Variants in MEIOC observed in about 807,000 individuals in gnomAD.
MEIOC encodes meiosis specific with coiled-coil domain.
MEIOC carries 9 observed loss-of-function variants against 85.3 expected under a neutral mutation model. The ratio of observed to expected loss-of-function variants is 0.11; its 90% confidence interval spans 0.06 to 0.18. The LOEUF (loss-of-function observed/expected upper bound fraction) is 0.18, where lower values mean the gene tolerates loss of function less well. MEIOC is among the 10% of genes least tolerant of loss of function. The pLI is 1.00. For synonymous variants in MEIOC, 365 were observed against 393.7 expected, an observed-to-expected ratio of 0.93 and a Z score of 0.86; for missense variants, 898 against 1,129.4, an observed-to-expected ratio of 0.80 and a Z score of 2.94.
chr17:44,662,988 T>C (rs146674319), intron 3 of MEIOC, among the ~76,000 whole-genome samples: 10 of 152,340 alleles, frequency 6.6e-5, no homozygotes, highest in African/African-American at 2.4e-4. Flanking sequence ...AAAAAATTCA[T>C]TAGTGGGAAC....
At position 44,671,448 on chromosome 17, in the gene MEIOC, G is replaced by A. The variant is rs533853618; in HGVS notation, c.2458-1918G>A. On this transcript the variant is annotated intron_variant, in intron 6 of 7. Coordinates refer to ENST00000409122, the MANE Select transcript of MEIOC (RefSeq NM_001145080.3). ...GCCTATAGTCCCAGCTACTCGGAAGGCTTAGGTGGGAGGATCACTTGAGCC... is the reference window on the plus strand; with the variant it reads ...GCCTATAGTCCCAGCTACTCGGAAGACTTAGGTGGGAGGATCACTTGAGCC... 5.6e-4 allele frequency among the ~76,000 whole-genome samples: 85 copies of A among 151,964 alleles called. 1 individual carries two copies. Among genetic ancestry groups the A allele is most frequent in the African/African-American group, 2.0e-3 (81 of 41,426 alleles).
chr17:44,671,177 T>G (rs1972004013), intron 6 of MEIOC: 1 of 151,688 alleles, frequency 6.6e-6, no homozygotes, highest in Non-Finnish European at 1.5e-5. Context: ...GAGCCTAACA[T>G]ATGAGGTACA....
rs78494953 is a variant in MEIOC at position 44,663,858 on chromosome 17, G to A, written c.359+1387G>A. On this transcript the variant is annotated intron_variant, in intron 3 of 7. Coordinates refer to ENST00000409122, the MANE Select transcript of MEIOC (RefSeq NM_001145080.3). Reference sequence around the variant, plus strand: ...TAGCAAGTATGTAGTAGTTTGGCAAGTCATATACCCTTGCAAAATACAAGT... The same window carrying A: ...TAGCAAGTATGTAGTAGTTTGGCAAATCATATACCCTTGCAAAATACAAGT... Among the ~76,000 whole-genome samples the A allele has an allele frequency of 4.0e-3, 609 of 152,184 alleles. 5 individuals are homozygous for A. Among genetic ancestry groups the A allele is most frequent in the Non-Finnish European group, 4.8e-3 (328 of 68,022 alleles).
intron 6 of MEIOC, among the ~76,000 whole-genome samples, chr17:44,672,175 T>C (rs1568136150): frequency 6.6e-6 from 1 of 152,030 alleles, no homozygotes; most frequent in Non-Finnish European, 1.5e-5. Flanking sequence ...AGAGACAGGG[T>C]TTCACCATGT....
chr17:44,673,155 A>G (rs1972034097), intron 6 of MEIOC: 1 of 422,068 alleles, frequency 2.4e-6, no homozygotes. Flanking sequence ...GTAATCAACT[A>G]CCACATATTT....
At chr17:44,672,011 CTCTT>C (rs936706124) in intron 6 of MEIOC, among the ~76,000 whole-genome samples, 89 of 152,094 alleles carry the variant, frequency 5.9e-4, no homozygotes, top group African/African-American at 2.0e-3. Flanking sequence ...GCAGACTTTT[CTCTT>C]TTTTTGAGAT....
rs987914779 is a variant in MEIOC, at chr17:44,674,451, A to G, written c.*255A>G. 1.2e-5 allele frequency: 14 copies of G among 1,196,206 alleles called. No homozygotes were observed. In the South Asian group the frequency reaches 1.5e-4, roughly 13 times the overall value. The allele number at this position is 1,196,206 out of a possible 1,614,324, so 74.1% of individuals were successfully genotyped here. On this transcript the variant is annotated 3_prime_UTR_variant, in exon 8 of 8. Transcript: ENST00000409122. ...CAGATAACAAGTTTAAGTAAATTAA[A>G]TATTTCCTAACAGCTAAAATGTGCT...
At chr17:44,662,542 GCTCT>G in intron 3 of MEIOC, 71 bp downstream of exon 3, 2 of 1,084,066 alleles carry the variant, frequency 1.8e-6, no homozygotes, top group Non-Finnish European at 2.6e-6. Flanking sequence ...GAGGTTATTT[GCTCT>G]CTGTTCCCTA....
In MEIOC at chr17:44,675,134, G is replaced by C; in HGVS notation, c.*938G>C. The C allele has an allele frequency of 1.0e-6, 1 of 984,510 alleles. No individual in the cohort carries two copies. The highest frequency in any genetic ancestry group is 1.2e-6 in the Non-Finnish European group (1 of 829,372). 61.0% of individuals were successfully genotyped at this position (984,510 alleles called of 1,614,324 possible). A position where few individuals can be genotyped will look rare whatever the true frequency, so the allele number is the denominator to read the frequency against. ...CTTGCAATTGGTTAGTGTATATTTT[G>C]TGTAGTTGTGTTCATTAGTTTGCTT... On this transcript the variant is annotated 3_prime_UTR_variant, in exon 8 of 8. Transcript: ENST00000409122.
chr17:44,657,390 T>C (rs1266808945), intron 2 of MEIOC, 129 bp downstream of exon 2: 7 of 939,202 alleles, frequency 7.5e-6, no homozygotes, highest in Admixed American at 3.0e-5. Context: ...TTTTTTTTTT[T>C]TTTTTTTTTT....
intron 2 of MEIOC, among the ~76,000 whole-genome samples, chr17:44,661,288 C>CAA (rs1186351387): frequency 0.013 from 686 of 53,688 alleles, 23 homozygotes; most frequent in Admixed American, 0.035. Flanking sequence ...ACTCTTGTCT[C>CAA]AAAAAAAAAA....
At position 44,674,166 on chromosome 17, in the gene MEIOC, G is replaced by A. The variant is rs1452772333; in HGVS notation, c.2829G>A (p.Met943Ile). ...AAAGCATAAATAGTAGCAATCCAATGAACCAGAGAGGTGAAACAAACAAAC... is the reference window on the plus strand; with the variant it reads ...AAAGCATAAATAGTAGCAATCCAATAAACCAGAGAGGTGAAACAAACAAAC... ...VHESINSSNP[M>I]NQRGETNKH is the part of the protein sequence containing the mutation. The change falls in exon 8 of 8, where the codon ATG becomes ATA. Residue 943 changes from methionine (M) to isoleucine (I), a missense_variant. Physicochemically the swap from Met to Ile is conservative, Grantham distance 10. This residue lies in a region of MEIOC where 164 missense variants were observed against 269.2 expected (regional missense o/e 0.61). Transcript: ENST00000409122. The A allele has an allele frequency of 2.9e-5, 45 of 1,551,406 alleles. No individual in the cohort carries two copies. Among genetic ancestry groups the A allele is most frequent in the Non-Finnish European group, 3.8e-5 (44 of 1,146,900 alleles).
At position 44,666,939 on chromosome 17, in the gene MEIOC, C is replaced by T. The variant is rs1455798371; in HGVS notation, c.1028C>T (p.Ser343Leu). 1 of 1,610,104 alleles carries T rather than the reference C, an allele frequency of 6.2e-7. No individual in the cohort carries two copies. The highest frequency in any genetic ancestry group is 1.3e-5 in the African/African-American group (1 of 74,878). ...HPNKAKLNKC[S>L]NFSVQDSKKL... ...AATAAGGCTAAGCTTAATAAATGTT[C>T]AAATTTTAGTGTCCAAGATAGCAAA... Residue 343 changes from serine (S) to leucine (L), a missense_variant, in exon 5 of 8, where the codon TCA becomes TTA. Physicochemically the swap from Ser to Leu is moderately radical, Grantham distance 145 (BLOSUM62 -2). Coordinates refer to ENST00000409122, the MANE Select transcript of MEIOC (RefSeq NM_001145080.3).
Position 44,657,110 on chromosome 17 carries a change from A to C in MEIOC, c.70-17A>C, listed in dbSNP as rs887596016. 5.8e-6 allele frequency: 9 copies of C among 1,545,536 alleles called. No homozygotes were observed. In the East Asian group the frequency reaches 2.2e-4, roughly 38 times the overall value. ...TCGTGACCACTTTCTGATATTTCCT[A>C]TTCCCGTGTGCTGCAGCCCAAAGTC... On this transcript the variant is annotated splice_polypyrimidine_tract_variant and intron_variant, in intron 1 of 7. Coordinates refer to ENST00000409122, the MANE Select transcript of MEIOC (RefSeq NM_001145080.3).
intron 2 of MEIOC, among the ~76,000 whole-genome samples, chr17:44,662,028 C>G (rs1971849814): frequency 6.6e-6 from 1 of 152,144 alleles, no homozygotes; most frequent in Admixed American, 6.5e-5. Context: ...GCAATGCAGC[C>G]AAACCCATTT....
chr17:44,676,170 C>T (rs983407493), downstream of MEIOC: 3 of 152,140 alleles, frequency 2.0e-5, no homozygotes, highest in Admixed American at 6.6e-5. Flanking sequence ...TTAAATTAGT[C>T]GGTTGTCCCT....
rs760578992 is a variant in MEIOC, at chr17:44,668,161, A to G, written c.2250A>G (p.Pro750=). 69 of 1,613,918 alleles carry G rather than the reference A, an allele frequency of 4.3e-5. No homozygotes were observed. The Middle Eastern group carries it at 1.8e-3, about 42-fold the overall frequency. The change falls in exon 5 of 8, where the codon CCA becomes CCG. Residue 750 remains proline (P), a synonymous_variant. Coordinates refer to ENST00000409122, the MANE Select transcript of MEIOC (RefSeq NM_001145080.3). ...FQRPIKTRSG[P]ASELHIRLEE... The stretch of plus-strand genomic sequence containing the variant: ...GACCAATTAAAACCCGTAGTGGACC[A>G]GCCAGTGAACTTCATATTCGTCTAG...
In MEIOC at chr17:44,666,561, A is replaced by C; in HGVS notation, c.650A>C (p.Gln217Pro). The C allele has an allele frequency of 6.2e-7, 1 of 1,610,490 alleles. No homozygotes were observed. The highest frequency in any genetic ancestry group is 8.5e-7 in the Non-Finnish European group (1 of 1,178,124). ...QYLRNSNLTP[Q>P]QKIDELHHGF... is the part of the protein sequence containing the mutation. The stretch of plus-strand genomic sequence containing the variant: ...CTGCGTAACAGTAATCTCACACCAC[A>C]ACAAAAAATAGATGAACTTCATCAT... Residue 217 changes from glutamine to proline, a missense_variant, in exon 5 of 8, where the codon CAA becomes CCA. Physicochemically the swap from Gln to Pro is moderately conservative, Grantham distance 76. Coordinates refer to ENST00000409122, the MANE Select transcript of MEIOC (RefSeq NM_001145080.3).
At chr17:44,662,195 C>A in intron 2 of MEIOC, 122 bp from the exon 3 acceptor site, 1 of 776,314 alleles carries the variant, frequency 1.3e-6, no homozygotes, top group Non-Finnish European at 2.0e-6. Context: ...GTCACTAAGT[C>A]TGCATTTGAA....
Sources: allele counts gnomAD v4.1 joint callset (sites outside exome capture counted in the v4.1 genomes callset), GRCh38; gene constraint gnomAD v4.1.1; regional missense constraint gnomAD v4.1.1; transcripts MANE v1.5; gene names NCBI Gene and HGNC (gene_info 2026-07-23, HGNC 2026-07-21).